Variants in DMD observed in about 807,000 individuals in gnomAD.
DMD encodes dystrophin.
A neutral mutation model predicts 330.1 loss-of-function variants in DMD; 63 were observed. The observed-to-expected ratio is 0.19, with a 90% CI of 0.16 to 0.24. The LOEUF is 0.24. DMD is among the 10% of genes least tolerant of loss of function. The pLI is 1.00. For synonymous variants in DMD, 1,223 were observed against 959.8 expected (o/e 1.27, Z -5.07); for missense variants, 3,344 against 2,684.1 (o/e 1.25, Z -5.43).
At chrX:33,236,328 G>A (rs1298486534) in intron 1 of DMD, among the ~76,000 whole-genome samples, 17 of 105,600 alleles carry the variant, frequency 1.6e-4, no homozygotes, top group Non-Finnish European at 1.5e-4. Flanking sequence ...GCAATGGCGC[G>A]ATCTCGGCTC....
At chrX:33,153,899 A>G (rs2048385043) in intron 1 of DMD, among the ~76,000 whole-genome samples, 1 of 112,428 alleles carries the variant, frequency 8.9e-6, no homozygotes, top group African/African-American at 3.2e-5. Context: ...AAGTCATACG[A>G]TACAATATGT....
At chrX:31,934,790 G>A (rs949750844) in intron 45 of DMD, among the ~76,000 whole-genome samples, 3 of 111,960 alleles carry the variant, frequency 2.7e-5, no homozygotes, top group Non-Finnish European at 5.6e-5. Flanking sequence ...AAGGACTTTA[G>A]TCATTAGCAA....
chrX:32,337,526 T>C (rs985864130), intron 41 of DMD, among the ~76,000 whole-genome samples: 2 of 110,655 alleles, frequency 1.8e-5, no homozygotes, highest in African/African-American at 6.6e-5. Context: ...TGTATTTTTT[T>C]GCTGCTGTTC....
intron 2 of DMD, among the ~76,000 whole-genome samples, chrX:32,910,720 A>C (rs781064662): frequency 5.3e-4 from 59 of 111,967 alleles, no homozygotes; most frequent in African/African-American, 1.9e-3. Context: ...GGATTACAGG[A>C]GTGAGCCACC....
chrX:31,563,798 C>A (rs2147873035), intron 55 of DMD, among the ~76,000 whole-genome samples: 1 of 112,198 alleles, frequency 8.9e-6, no homozygotes, highest in East Asian at 2.8e-4. Context: ...CAAAATGGAA[C>A]AATATGTAGT....
At chrX:31,950,474 G>C (rs1323757540) in intron 45 of DMD, among the ~76,000 whole-genome samples, 1 of 110,754 alleles carries the variant, frequency 9.0e-6, no homozygotes, top group South Asian at 3.7e-4. Flanking sequence ...TCATTTGGTG[G>C]CGTCTCCTAT....
At chrX:33,008,985 T>C (rs1160901451) in intron 2 of DMD, among the ~76,000 whole-genome samples, 2 of 99,843 alleles carry the variant, frequency 2.0e-5, no homozygotes, top group Admixed American at 1.1e-4. Context: ...CACTTATGTA[T>C]ATATACGTGT....
At chrX:32,790,865 T>C (rs1198782200) in intron 7 of DMD, among the ~76,000 whole-genome samples, 12 of 111,428 alleles carry the variant, frequency 1.1e-4, no homozygotes, top group Non-Finnish European at 2.1e-4. Flanking sequence ...CAACACTGCC[T>C]TCCACCTGAG....
intron 2 of DMD, among the ~76,000 whole-genome samples, chrX:33,005,224 G>T (rs953677082): frequency 9.3e-6 from 1 of 107,637 alleles, no homozygotes; most frequent in Non-Finnish European, 1.9e-5. Context: ...GAATGCATCA[G>T]ATGTTTCTTC....
chrX:33,291,061 G>T (rs189616248), intron 1 of DMD, among the ~76,000 whole-genome samples: 1 of 110,982 alleles, frequency 9.0e-6, no homozygotes. Context: ...TACCCACCAC[G>T]ATTAAGTCGA....
intron 60 of DMD, among the ~76,000 whole-genome samples, chrX:31,414,108 G>A (rs2148906806): frequency 9.0e-6 from 1 of 111,335 alleles, no homozygotes; most frequent in South Asian, 3.8e-4. Flanking sequence ...TAGCCCCCTG[G>A]GTTCCAGCAA....
chrX:32,986,858 T>C (rs1362488376), intron 2 of DMD, among the ~76,000 whole-genome samples: 1 of 112,580 alleles, frequency 8.9e-6, no homozygotes, highest in Non-Finnish European at 1.9e-5. Flanking sequence ...GCTCATCCCT[T>C]TAAGTTTCAG....
At chrX:31,624,427 A>C (rs1352411145) in intron 55 of DMD, among the ~76,000 whole-genome samples, 2 of 112,214 alleles carry the variant, frequency 1.8e-5, no homozygotes, top group African/African-American at 6.5e-5. Flanking sequence ...TGTATGTTTA[A>C]AGAATCTATG....
At chrX:32,386,563 T>A in intron 32 of DMD, 98 bp from the exon 33 acceptor site, 1 of 792,586 alleles carries the variant, frequency 1.3e-6, no homozygotes, top group Non-Finnish European at 1.8e-6. Context: ...TAATTGCTAT[T>A]CCATGTTTGA....
At chrX:31,771,550 T>G (rs6631388) in intron 51 of DMD, among the ~76,000 whole-genome samples, 18,058 of 108,712 alleles carry the variant, frequency 0.17, 1,433 homozygotes, top group African/African-American at 0.28. Context: ...TCACTCAGTC[T>G]GGAGTGCAAT....
At chrX:32,924,963 A>G (rs903162825) in intron 2 of DMD, among the ~76,000 whole-genome samples, 8 of 110,607 alleles carry the variant, frequency 7.2e-5, no homozygotes, top group African/African-American at 2.6e-4. Context: ...ATTAAGATGG[A>G]ATATTAAGTA....
chrX:33,073,767 G>T (rs1392739180), intron 1 of DMD, among the ~76,000 whole-genome samples: 2 of 109,527 alleles, frequency 1.8e-5, no homozygotes, highest in Non-Finnish European at 3.8e-5. Flanking sequence ...GGCAGGCGGA[G>T]GTTGCAGTGA....
At chrX:32,456,600 GT>G (rs2098359515) in intron 25 of DMD, among the ~76,000 whole-genome samples, 1 of 102,920 alleles carries the variant, frequency 9.7e-6, no homozygotes, top group East Asian at 3.1e-4. Flanking sequence ...GTGTGTGTGT[GT>G]GTGTGTGTGT....
At chrX:32,738,713 G>A (rs2068848587) in intron 7 of DMD, among the ~76,000 whole-genome samples, 3 of 111,629 alleles carry the variant, frequency 2.7e-5, no homozygotes, top group African/African-American at 9.7e-5. Flanking sequence ...AACAGAATTG[G>A]AGAACATCCA....
Sources: gnomAD v4.1 joint callset for allele counts (sites outside exome capture counted in the v4.1 genomes callset) on GRCh38, gnomAD v4.1.1 for gene constraint, MANE v1.5 for transcripts, NCBI Gene and HGNC (gene_info 2026-07-23, HGNC 2026-07-21) for gene names.